The following PRMT8 variants were observed in gnomAD, a reference collection of about 807,000 sequenced individuals.
The protein encoded by PRMT8 is protein arginine N-methyltransferase 8.
Under a neutral mutation model 47.1 loss-of-function variants are expected in PRMT8, and 7 were observed. The observed-to-expected ratio is 0.15, with a 90% CI of 0.08 to 0.28. The LOEUF (loss-of-function observed/expected upper bound fraction) is 0.28, where lower values mean the gene tolerates loss of function less well. Ranked by LOEUF, PRMT8 falls within the 10% of genes least tolerant of loss-of-function variation. PRMT8 has a pLI of 1.00. For missense variants in PRMT8, 237 were observed against 505.4 expected, an observed-to-expected ratio of 0.47 and a Z score of 5.09; for synonymous variants, 188 against 186.5, an observed-to-expected ratio of 1.01 and a Z score of -0.07.
At chr12:3,383,732 C>A (rs1368520484) in intron 1 of PRMT8, among the ~76,000 whole-genome samples, 1 of 152,178 alleles carries the variant, frequency 6.6e-6, no homozygotes, top group Non-Finnish European at 1.5e-5. Flanking sequence ...TTGTTTTACC[C>A]GCTCTAGGGC....
chr12:3,533,945 A>G (rs900596674), intron 1 of PRMT8, among the ~76,000 whole-genome samples: 1 of 152,254 alleles, frequency 6.6e-6, no homozygotes, highest in Non-Finnish European at 1.5e-5. Context: ...CGGGAGCCAC[A>G]GCTTAGATCA....
At chr12:3,533,522 C>G (rs1278039053) in intron 1 of PRMT8, among the ~76,000 whole-genome samples, 1 of 152,266 alleles carries the variant, frequency 6.6e-6, no homozygotes, top group Non-Finnish European at 1.5e-5. Flanking sequence ...TCTTCTTCTT[C>G]TAATGTGGCC....
At chr12:3,445,587 G>A (rs1022342633) in intron 1 of PRMT8, among the ~76,000 whole-genome samples, 2 of 152,102 alleles carry the variant, frequency 1.3e-5, no homozygotes, top group Non-Finnish European at 2.9e-5. Context: ...AATAGCTCTC[G>A]GTGTTACTCC....
chr12:3,451,193 TCA>T (rs1864915441), intron 1 of PRMT8, among the ~76,000 whole-genome samples: 1 of 152,086 alleles, frequency 6.6e-6, no homozygotes, highest in South Asian at 2.1e-4. Flanking sequence ...TGTGATTGGC[TCA>T]CAAACTGCCA....
At chr12:3,390,916 G>A (rs903750650) in intron 1 of PRMT8, among the ~76,000 whole-genome samples, 1 of 152,204 alleles carries the variant, frequency 6.6e-6, no homozygotes, top group Admixed American at 6.5e-5. Flanking sequence ...TGGGCTGAGC[G>A]AATAGCTCTG....
At chr12:3,470,688 C>T (rs972379993) in intron 1 of PRMT8, among the ~76,000 whole-genome samples, 2 of 137,076 alleles carry the variant, frequency 1.5e-5, no homozygotes, top group African/African-American at 5.6e-5. Context: ...TCCCGGTGTC[C>T]AGGGCGGGGG....
intron 1 of PRMT8, among the ~76,000 whole-genome samples, chr12:3,432,854 T>A (rs1331344163): frequency 6.6e-6 from 1 of 152,042 alleles, no homozygotes; most frequent in African/African-American, 2.4e-5. Context: ...GGTGAAAGTG[T>A]GGAAATGGAT....
upstream of PRMT8, chr12:3,491,107 C>T (rs1171612036): frequency 2.1e-6 from 2 of 969,150 alleles, no homozygotes; most frequent in Non-Finnish European, 2.5e-6. Context: ...TGGGGGCCCT[C>T]GGTCTGCGCC....
rs767836190 is a variant in PRMT8 at position 3,508,817 on chromosome 12, G to T, written c.75+17117G>T. ...GATGTCTCATAGGCACCTCAGGTTC[G>T]CTGGGTTGCCTCCGGAGTCCTGCCC... On this transcript the variant is annotated intron_variant, in intron 1 of 9. Transcript: ENST00000382622. This position sits in a 1 kb window ranked among gnomAD's most constrained non-coding sequence, Gnocchi z 4.9. Among the ~76,000 whole-genome samples, 1 of 152,198 alleles carries T rather than the reference G, an allele frequency of 6.6e-6. No homozygotes were observed. The highest frequency in any genetic ancestry group is 1.5e-5 in the Non-Finnish European group (1 of 68,036).
intron 2 of PRMT8, among the ~76,000 whole-genome samples, chr12:3,546,498 C>G (rs1409091987): frequency 6.6e-6 from 1 of 152,020 alleles, no homozygotes; most frequent in East Asian, 1.9e-4. Flanking sequence ...AGGCAAGGAC[C>G]TCCTGACGAT....
chr12:3,550,129 A>G lies in PRMT8; in HGVS notation c.417+38A>G, dbSNP rs1866390666. On this transcript the variant is annotated intron_variant, in intron 3 of 9. Coordinates refer to ENST00000382622, the MANE Select transcript of PRMT8 (RefSeq NM_019854.5). The surrounding 1 kb of genome is among the most constrained non-coding windows in gnomAD (Gnocchi z 5.1). ...CTTCCTCCTGCATGCTGGCTTCCAC[A>G]GAGCCAGCCTCTTGCCCTCTGCCTC... 1 of 1,606,536 alleles carries G rather than the reference A, an allele frequency of 6.2e-7. No homozygotes were observed. The highest frequency in any genetic ancestry group is 1.3e-5 in the African/African-American group (1 of 74,824).
chr12:3,481,996 G>A (rs557202370), intron 1 of PRMT8, among the ~76,000 whole-genome samples: 226 of 152,124 alleles, frequency 1.5e-3, no homozygotes, highest in Non-Finnish European at 2.9e-3. Context: ...ATGGCTTCAG[G>A]GACTCTGTTA....
intron 4 of PRMT8, 93 bp from the exon 5 acceptor site, chr12:3,568,613 G>A: frequency 7.0e-7 from 1 of 1,435,824 alleles, no homozygotes; most frequent in African/African-American, 1.4e-5. Flanking sequence ...TCAGAATAGG[G>A]CTGAAACCTG....
intron 1 of PRMT8, among the ~76,000 whole-genome samples, chr12:3,416,819 A>T (rs552957629): frequency 2.0e-5 from 3 of 152,340 alleles, no homozygotes; most frequent in East Asian, 3.9e-4. Context: ...GTCTGGAGAG[A>T]TTAGAAACTG....
At chr12:3,533,600 G>A (rs1866069998) in intron 1 of PRMT8, among the ~76,000 whole-genome samples, 1 of 152,166 alleles carries the variant, frequency 6.6e-6, no homozygotes, top group African/African-American at 2.4e-5. Flanking sequence ...CAGCCCCGAG[G>A]GTAAGAAGCA....
intron 1 of PRMT8, among the ~76,000 whole-genome samples, chr12:3,443,031 C>A (rs540997975): frequency 1.8e-4 from 28 of 152,306 alleles, no homozygotes; most frequent in African/African-American, 5.8e-4. Flanking sequence ...GATTCTGAAT[C>A]TAAAGTCCCC....
intron 2 of PRMT8, among the ~76,000 whole-genome samples, chr12:3,543,344 G>C (rs1866267078): frequency 6.6e-6 from 1 of 152,216 alleles, no homozygotes; most frequent in Admixed American, 6.5e-5. Flanking sequence ...TCTTCGCAGA[G>C]AGAAGGCCTA....
At chr12:3,411,174 C>A (rs970826820) in intron 1 of PRMT8, among the ~76,000 whole-genome samples, 2 of 152,176 alleles carry the variant, frequency 1.3e-5, no homozygotes, top group Non-Finnish European at 2.9e-5. Context: ...GCAGAACCTG[C>A]CCTCCATTTT....
At chr12:3,410,548 G>A (rs1161796667) in intron 1 of PRMT8, among the ~76,000 whole-genome samples, 2 of 152,072 alleles carry the variant, frequency 1.3e-5, no homozygotes, top group African/African-American at 4.8e-5. Context: ...TTGCTCTGTC[G>A]CCCAGGCTGG....
Sources: gnomAD v4.1 joint callset for allele counts (sites outside exome capture counted in the v4.1 genomes callset) on GRCh38, gnomAD v4.1.1 for gene constraint, Gnocchi (gnomAD v3.1) non-coding constraint, MANE v1.5 for transcripts, NCBI Gene and HGNC (gene_info 2026-07-23, HGNC 2026-07-21) for gene names.